GLMN: variants seen among roughly 807,000 people sequenced by gnomAD.
GLMN encodes glomulin, FKBP associated protein.
In GLMN, 75 loss-of-function variants were observed where a neutral mutation model predicts 87.8. The ratio of observed to expected loss-of-function variants is 0.85; its 90% confidence interval spans 0.71 to 1.04. The LOEUF (loss-of-function observed/expected upper bound fraction) is 1.04. GLMN is among the 50% of genes least tolerant of loss of function. The pLI, the probability that GLMN is intolerant of heterozygous loss-of-function variation, is 0.00. For missense variants in GLMN, 588 were observed against 658.8 expected (o/e 0.89, Z 1.18); for synonymous variants, 206 against 221.6 (o/e 0.93, Z 0.63).
the GLMN span, chr1:92,323,536 T>C: frequency 6.2e-7 from 1 of 1,613,698 alleles, no homozygotes; most frequent in South Asian, 1.1e-5. Flanking sequence ...GCAATATGAA[T>C]CTAGTTCTTC....
the GLMN span, chr1:92,333,579 A>C: frequency 5.1e-6 from 4 of 791,782 alleles, no homozygotes; most frequent in Non-Finnish European, 8.2e-6. Context: ...ATTTTGAAAA[A>C]TAATGTGAAA....
At chr1:92,299,132 C>G (rs1016464166), upstream of GLMN, 2 of 1,519,534 alleles carry the variant, frequency 1.3e-6, no homozygotes, top group Non-Finnish European at 1.8e-6. Context: ...CCCCGCTGCT[C>G]TCGAAAAGCC....
chr1:92,341,442 T>A, the GLMN span, among the ~76,000 whole-genome samples: 2 of 152,198 alleles, frequency 1.3e-5, no homozygotes, highest in Non-Finnish European at 1.5e-5. Context: ...AGGAAAAATA[T>A]GAAAACAGGT....
chr1:92,297,785 G>A, intron 2 of GLMN, 176 bp downstream of exon 2: 1 of 628,646 alleles, frequency 1.6e-6, no homozygotes, highest in Non-Finnish European at 2.8e-6. Context: ...ATTTAGATAA[G>A]TATGTCACCT....
chr1:92,288,036 G>GTT (rs757014686), intron 6 of GLMN, among the ~76,000 whole-genome samples: 37 of 143,356 alleles, frequency 2.6e-4, no homozygotes, highest in African/African-American at 3.9e-4. Flanking sequence ...GTATTTTACT[G>GTT]TTTTTTTTTT....
chr1:92,362,473 G>T, the GLMN span, among the ~76,000 whole-genome samples: 1 of 152,142 alleles, frequency 6.6e-6, no homozygotes, highest in African/African-American at 2.4e-5. Context: ...GGCTGTTTGT[G>T]TTGTCCCACC....
chr1:92,355,209 T>A, the GLMN span, among the ~76,000 whole-genome samples: 1 of 152,256 alleles, frequency 6.6e-6, no homozygotes, highest in East Asian at 1.9e-4. Flanking sequence ...CCCCATAGAC[T>A]ACCTTTAACT....
the GLMN span, chr1:92,333,474 G>T: frequency 1.2e-6 from 2 of 1,605,012 alleles, no homozygotes; most frequent in East Asian, 2.2e-5. Context: ...TGAGTAAAGT[G>T]TAAGTATGTA....
chr1:92,317,049 A>C, the GLMN span, among the ~76,000 whole-genome samples: 1 of 152,192 alleles, frequency 6.6e-6, no homozygotes, highest in Non-Finnish European at 1.5e-5. Flanking sequence ...GATTAAGCAA[A>C]GGTGGTATCC....
chr1:92,317,797 C>G, the GLMN span, among the ~76,000 whole-genome samples: 1 of 152,096 alleles, frequency 6.6e-6, no homozygotes, highest in East Asian at 1.9e-4. Flanking sequence ...TTTTAATTCT[C>G]AAAAAATAAC....
chr1:92,268,447 A>G (rs1188267943), intron 9 of GLMN, among the ~76,000 whole-genome samples: 4 of 152,228 alleles, frequency 2.6e-5, no homozygotes, highest in African/African-American at 9.6e-5. Flanking sequence ...TATATATTCC[A>G]GTTGATTATT....
At chr1:92,269,638 A>G (rs1656025076) in intron 9 of GLMN, 85 bp downstream of exon 9, 1 of 882,966 alleles carries the variant, frequency 1.1e-6, no homozygotes, top group African/African-American at 1.7e-5. Context: ...AGAGCTTAGC[A>G]AAGAAAAGGC....
chr1:92,287,639 T>C (rs1648926980), intron 6 of GLMN, among the ~76,000 whole-genome samples: 2 of 152,128 alleles, frequency 1.3e-5, no homozygotes, highest in Admixed American at 1.3e-4. Flanking sequence ...CACGTCTGGC[T>C]GTAAATTTTT....
chr1:92,363,169 C>T, the GLMN span, among the ~76,000 whole-genome samples: 3,414 of 152,212 alleles, frequency 0.022, 159 homozygotes, highest in African/African-American at 0.077. Flanking sequence ...AGTCAGTAAA[C>T]GTTGGCTTCT....
At chr1:92,325,031 G>A in the GLMN span, among the ~76,000 whole-genome samples, 1 of 152,096 alleles carries the variant, frequency 6.6e-6, no homozygotes, top group Non-Finnish European at 1.5e-5. Flanking sequence ...AAGATAATGT[G>A]TATAAAGCAT....
rs2100758738 is a variant in GLMN at position 92,246,493 on chromosome 1, CT to C, written c.*36del. On this transcript the variant is annotated 3_prime_UTR_variant, in exon 19 of 19. Transcript: ENST00000370360. ...ATTAAATGAATCATAATGGAAAGTA[CT>C]ATATTTTATTAGTTTTTATTTAGGA... The C allele has an allele frequency of 1.1e-6, 1 of 902,940 alleles. No homozygotes were observed. The highest frequency in any genetic ancestry group is 2.4e-5 in the East Asian group (1 of 41,080). The allele number at this position is 902,940 out of a possible 1,614,324, so 55.9% of individuals were successfully genotyped here.
intron 16 of GLMN, among the ~76,000 whole-genome samples, chr1:92,249,202 C>T (rs180943818): frequency 4.7e-5 from 7 of 150,030 alleles, no homozygotes; most frequent in South Asian, 4.2e-4. Context: ...AATGTACAGA[C>T]GTATTAACCC....
At chr1:92,297,082 G>A (rs1480729178) in intron 3 of GLMN, among the ~76,000 whole-genome samples, 2 of 148,854 alleles carry the variant, frequency 1.3e-5, no homozygotes, top group East Asian at 3.9e-4. Flanking sequence ...TGACCAGATG[G>A]TAAAAACCTT....
At chr1:92,247,267 G>A in intron 17 of GLMN, 123 bp from the exon 18 acceptor site, 1 of 723,286 alleles carries the variant, frequency 1.4e-6, no homozygotes, top group Non-Finnish European at 2.5e-6. Flanking sequence ...TAAGTCCATT[G>A]TTTAACAGCT....
Sources: allele counts gnomAD v4.1 joint callset (sites outside exome capture counted in the v4.1 genomes callset), GRCh38; gene constraint gnomAD v4.1.1; transcripts MANE v1.5; gene names NCBI Gene and HGNC (gene_info 2026-07-23, HGNC 2026-07-21).